The following U2SURP variants were observed in gnomAD, a reference collection of about 807,000 sequenced individuals.
The protein encoded by U2SURP is U2 snRNP associated SURP domain containing.
U2SURP carries 9 observed loss-of-function variants against 144.9 expected under a neutral mutation model. The observed-to-expected ratio is 0.06, with a 90% CI of 0.04 to 0.11. The LOEUF (loss-of-function observed/expected upper bound fraction) is 0.11, where lower values mean the gene tolerates loss of function less well. U2SURP is among the 10% of genes least tolerant of loss of function. The probability of loss-of-function intolerance (pLI) is 1.00; values close to 1 mark genes in which losing one functional copy is unlikely to be tolerated. For synonymous variants in U2SURP, 408 were observed against 396.8 expected (o/e 1.03, Z -0.33); for missense variants, 724 against 1,226.7 (o/e 0.59, Z 6.12).
intron 11 of U2SURP, 52 bp from the exon 12 acceptor site, chr3:143,022,801 G>C (rs769776157): frequency 1.4e-5 from 20 of 1,475,158 alleles, no homozygotes; most frequent in Non-Finnish European, 1.7e-5. Context: ...GAAAAATTTT[G>C]TTTGGAAACT....
At chr3:143,039,114 A>G (rs1454308079) in intron 23 of U2SURP, among the ~76,000 whole-genome samples, 154 bp downstream of exon 23, 1 of 151,956 alleles carries the variant, frequency 6.6e-6, no homozygotes, top group Admixed American at 6.6e-5. Context: ...TTTTCCAGTG[A>G]ATAAAGAGCT....
At chr3:143,042,502 T>C (rs1275046637) in intron 23 of U2SURP, among the ~76,000 whole-genome samples, 1 of 152,092 alleles carries the variant, frequency 6.6e-6, no homozygotes, top group Non-Finnish European at 1.5e-5. Context: ...TTGGGTTACA[T>C]GGATATATTA....
chr3:143,027,162 C>G lies in U2SURP; in HGVS notation c.1288C>G (p.Leu430Val). Residue 430 changes from leucine (L) to valine (V), a missense_variant, in exon 14 of 28, where the codon CTG becomes GTG. Transcript: ENST00000473835. The part of the protein sequence containing the change: ...VIPTERNLLA[L>V]IHRMIEFVVR... ...TTGTTGTTGTAGGAATTTGCTCGCC[C>G]TGATACATCGAATGATAGAGTTTGT... 1 of 1,612,476 alleles carries G rather than the reference C, an allele frequency of 6.2e-7. No homozygotes were observed.
At chr3:143,034,763 G>T (rs1011080544) in intron 18 of U2SURP, 125 bp from the exon 19 acceptor site, 39 of 631,436 alleles carry the variant, frequency 6.2e-5, no homozygotes, top group Non-Finnish European at 9.5e-5. Flanking sequence ...CCTAGTTTTT[G>T]ATTTTTAATA....
chr3:143,036,174 CT>C, intron 20 of U2SURP, 70 bp downstream of exon 20: 1 of 1,484,748 alleles, frequency 6.7e-7, no homozygotes, highest in Non-Finnish European at 8.9e-7. Context: ...TGGAGTTGTT[CT>C]GTGTTACATA....
chr3:143,032,700 A>T, intron 16 of U2SURP, 84 bp from the exon 17 acceptor site: 1 of 1,263,490 alleles, frequency 7.9e-7, no homozygotes, highest in Non-Finnish European at 1.1e-6. Flanking sequence ...AGTAGGTTTT[A>T]AAGAAATTAG....
chr3:143,018,174 C>T lies in U2SURP; in HGVS notation c.570+1199C>T, dbSNP rs1238126914. ...ATTTTTATCACCCTAAAAAGAAATC[C>T]CTACCCATTATCAGTCACTCCCATT... On this transcript the variant is annotated intron_variant, in intron 6 of 27. Transcript: ENST00000473835. Among the ~76,000 whole-genome samples, 10 of 152,176 alleles carry T rather than the reference C, an allele frequency of 6.6e-5. 1 individual carries two copies. Among genetic ancestry groups the T allele is most frequent in the Admixed American group, 4.6e-4 (7 of 15,278 alleles).
intron 3 of U2SURP, among the ~76,000 whole-genome samples, chr3:143,012,564 G>A (rs748984368): frequency 2.2e-4 from 33 of 152,118 alleles, no homozygotes; most frequent in Non-Finnish European, 1.0e-4. Flanking sequence ...TCATTTTAGA[G>A]TTTTAAATTT....
chr3:143,055,151 GATACCAGTTTCCTT>G (rs1332747267), intron 27 of U2SURP, 32 bp downstream of exon 27: 8 of 1,504,960 alleles, frequency 5.3e-6, no homozygotes, highest in Non-Finnish European at 7.1e-6. Context: ...TAATATTTCA[GATACCAGTTTCCTT>G]GTCATTTCAT....
chr3:143,028,717 A>C, intron 16 of U2SURP, 71 bp downstream of exon 16: 1 of 1,334,268 alleles, frequency 7.5e-7, no homozygotes, highest in South Asian at 1.4e-5. Flanking sequence ...TAATGGTCTT[A>C]TTAAGATGTT....
At chr3:143,045,155 G>C (rs1934359000) in intron 24 of U2SURP, among the ~76,000 whole-genome samples, 1 of 151,970 alleles carries the variant, frequency 6.6e-6, no homozygotes. Context: ...TGGATCACGA[G>C]GTCAGGAGAT....
intron 25 of U2SURP, among the ~76,000 whole-genome samples, chr3:143,052,174 C>G (rs926818233): frequency 6.6e-6 from 1 of 152,156 alleles, no homozygotes; most frequent in African/African-American, 2.4e-5. Context: ...TCAGGCAAAT[C>G]ACCTGAGGTC....
At chr3:143,020,802 G>A in intron 8 of U2SURP, 109 bp downstream of exon 8, 1 of 775,764 alleles carries the variant, frequency 1.3e-6, no homozygotes, top group Non-Finnish European at 2.1e-6. Flanking sequence ...CTGAAACCAT[G>A]GATATATACT....
intron 24 of U2SURP, among the ~76,000 whole-genome samples, chr3:143,046,297 A>ATTTTTTTTTTTTTTTTTTTTTTTTTTTT (rs11400849): frequency 2.8e-5 from 3 of 106,390 alleles, no homozygotes; most frequent in Non-Finnish European, 3.9e-5. Context: ...TTTATTTTTT[A>ATTTTTTTTTTTTTTTTTTTTTTTTTTTT]TTTTTTTTTA....
intron 24 of U2SURP, among the ~76,000 whole-genome samples, chr3:143,044,996 AGAT>A (rs1179674355): frequency 6.6e-6 from 1 of 152,186 alleles, no homozygotes; most frequent in Non-Finnish European, 1.5e-5. Context: ...TCAGGGGATA[AGAT>A]GTGTGTCAGT....
chr3:143,053,647 A>C (rs1935000767), intron 25 of U2SURP, 29 bp from the exon 26 acceptor site: 1 of 1,188,982 alleles, frequency 8.4e-7, no homozygotes, highest in Non-Finnish European at 1.2e-6. Flanking sequence ...ATTTTTAAAC[A>C]ACTTAATATT....
rs759153323 is a variant in U2SURP, at chr3:143,001,576, G to A, written c.-53G>A. ...GGCTTCACTGAGATCCGCTCTTTCG[G>A]TGCTCGACTCGCCCGTGCTGCTGCC... On this transcript the variant is annotated 5_prime_UTR_variant, in exon 1 of 28. The change creates a new upstream start codon in the 5' untranslated region. Transcript: ENST00000473835. 9 of 1,605,934 alleles carry A rather than the reference G, an allele frequency of 5.6e-6. No homozygotes were observed. In the East Asian group the frequency reaches 9.0e-5, roughly 16 times the overall value.
At chr3:143,036,629 G>A (rs183919787) in intron 20 of U2SURP, among the ~76,000 whole-genome samples, 199 of 152,052 alleles carry the variant, frequency 1.3e-3, no homozygotes, top group African/African-American at 4.7e-3. Flanking sequence ...TGCAACCCAC[G>A]TGGTCCTTGT....
intron 17 of U2SURP, 122 bp downstream of exon 17, chr3:143,033,068 C>G: frequency 8.4e-7 from 1 of 1,184,152 alleles, no homozygotes; most frequent in South Asian, 1.6e-5. Context: ...TATGTTATTT[C>G]TGCTTGGAAA....
Sources: gnomAD v4.1 joint callset for allele counts (sites outside exome capture counted in the v4.1 genomes callset) on GRCh38, gnomAD v4.1.1 for gene constraint, MANE v1.5 for transcripts, NCBI Gene and HGNC (gene_info 2026-07-23, HGNC 2026-07-21) for gene names.